Variants in MPP1 observed in about 807,000 individuals in gnomAD.
MPP1 encodes 55 kDa erythrocyte membrane protein.
Under a neutral mutation model 38.2 loss-of-function variants are expected in MPP1, and 6 were observed. The observed-to-expected ratio is 0.16, with a 90% CI of 0.09 to 0.31. The LOEUF (loss-of-function observed/expected upper bound fraction) is 0.31, where lower values mean the gene tolerates loss of function less well. Ranked by LOEUF, MPP1 falls within the 10% of genes least tolerant of loss-of-function variation. The pLI is 1.00. For synonymous variants in MPP1, 153 were observed against 146.3 expected, an observed-to-expected ratio of 1.05 and a Z score of -0.33; for missense variants, 293 against 368.9, an observed-to-expected ratio of 0.79 and a Z score of 1.69.
intron 4 of MPP1, among the ~76,000 whole-genome samples, chrX:154,790,611 G>A (rs2072131587): frequency 1.8e-5 from 2 of 110,384 alleles, no homozygotes; most frequent in African/African-American, 3.3e-5. Context: ...GAACTATGGC[G>A]CATATATATC....
In MPP1 at chrX:154,779,320, C is replaced by T. The variant is rs2071960698; in HGVS notation, c.1258G>A (p.Glu420Lys). ...EALQQLQKDSEAIRSQYAHYF... is the reference protein window; with the variant it reads ...EALQQLQKDSKAIRSQYAHYF... The stretch of plus-strand genomic sequence containing the variant: ...TGAGCGTACTGGCTGCGGATGGCCT[C>T]AGAGTCCTTCTGCAGCTGCTGCAGG... Residue 420 changes from glutamate (E) to lysine (K), a missense_variant, in exon 12 of 12, where the codon GAG becomes AAG. By Grantham distance (56) the Glu-to-Lys change is moderately conservative. Coordinates refer to ENST00000369534, the MANE Select transcript of MPP1 (RefSeq NM_002436.4). The T allele has an allele frequency of 7.4e-6, 9 of 1,208,875 alleles. No homozygotes were observed. The highest frequency in any genetic ancestry group is 1.0e-5 in the Non-Finnish European group (9 of 894,866).
At chrX:154,805,237 GC>G in intron 1 of MPP1, 34 bp downstream of exon 1, 1 of 1,152,724 alleles carries the variant, frequency 8.7e-7, no homozygotes, top group Non-Finnish European at 1.2e-6. Flanking sequence ...CCGAGCCCCG[GC>G]CCAGCGCCCT....
intron 11 of MPP1, among the ~76,000 whole-genome samples, chrX:154,779,859 CA>C (rs1557266407): frequency 8.8e-6 from 1 of 113,099 alleles, no homozygotes; most frequent in African/African-American, 3.2e-5. Flanking sequence ...GCTGGGATTA[CA>C]GGCATGCGCC....
rs1394696288 is a variant in MPP1, at chrX:154,778,888, T to C, written c.*289A>G. Reference sequence around the variant, plus strand: ...TTTAGAGGGATGGGGTCCATTGCTTTTGCTGTGCATCACCCTTGATTAGCA... The same window carrying C: ...TTTAGAGGGATGGGGTCCATTGCTTCTGCTGTGCATCACCCTTGATTAGCA... On this transcript the variant is annotated 3_prime_UTR_variant, in exon 12 of 12. Transcript: ENST00000369534. 1 of 308,715 alleles carries C rather than the reference T, an allele frequency of 3.2e-6. No homozygotes were observed. Among genetic ancestry groups the C allele is most frequent in the Non-Finnish European group, 5.6e-6 (1 of 178,735 alleles). 25.4% of individuals were successfully genotyped at this position (308,715 alleles called of 1,213,427 possible).
At chrX:154,781,429 T>C (rs781963991) in intron 10 of MPP1, 116 bp from the exon 11 acceptor site, 13 of 789,835 alleles carry the variant, frequency 1.6e-5, no homozygotes, top group Middle Eastern at 3.3e-4. Context: ...GCTTTGAGCT[T>C]TACCCCAATA....
chrX:154,790,460 G>T (rs895452164), intron 4 of MPP1, among the ~76,000 whole-genome samples: 1 of 107,522 alleles, frequency 9.3e-6, no homozygotes, highest in Non-Finnish European at 1.9e-5. Context: ...GAACCCAGGA[G>T]GCGGAGGTTG....
chrX:154,787,786 G>C lies in MPP1; in HGVS notation c.481-1386C>G, dbSNP rs782308972. Among the ~76,000 whole-genome samples the C allele has an allele frequency of 5.3e-5, 6 of 112,246 alleles. No homozygotes were observed. In the East Asian group the frequency reaches 1.7e-3, roughly 31 times the overall value. On this transcript the variant is annotated intron_variant, in intron 5 of 11. Transcript: ENST00000369534. ...CACACCTGGCCAGCTTTCCCTTTAA[G>C]ATGGAAAAATAAACAAAGATGTCTG...
chrX:154,802,764 A>G (rs1482121810), intron 1 of MPP1, among the ~76,000 whole-genome samples: 2 of 112,526 alleles, frequency 1.8e-5, no homozygotes, highest in Non-Finnish European at 3.8e-5. Context: ...TTGCAAAATT[A>G]CCTTTAGACA....
Position 154,792,256 on chromosome X carries a change from G to T in MPP1, c.132C>A (p.Thr44=). 8.3e-7 allele frequency: 1 copy of T among 1,210,836 alleles called. No homozygotes were observed. The highest frequency in any genetic ancestry group is 1.1e-6 in the Non-Finnish European group (1 of 894,800). Residue 44 remains threonine, a synonymous_variant, in exon 2 of 12, where the codon ACC becomes ACA. Transcript: ENST00000369534. Reference sequence around the variant, plus strand: ...GAGACCCGTTGGTGTACATGTCCTCGGTCACAGTATTCAATGGATGCGATA... The same window carrying T: ...GAGACCCGTTGGTGTACATGTCCTCTGTCACAGTATTCAATGGATGCGATA... The part of the protein sequence containing the change: ...EAVSHPLNTV[T]EDMYTNGSPA...
At position 154,781,317 on chromosome X, in the gene MPP1, G is replaced by GAA. The variant is rs781889992; in HGVS notation, c.1150-6_1150-5dup. On this transcript the variant is annotated splice_polypyrimidine_tract_variant and splice_region_variant and intron_variant, in intron 10 of 11. Transcript: ENST00000369534. ...CTGTCCGAACAATTTTCAGGGTCTA[G>GAA]AAAAAAAAAAGAAGGGCGGCGGGGA... is the stretch of plus-strand genomic sequence containing the variant. The GAA allele has an allele frequency of 2.5e-5, 21 of 840,253 alleles. No individual in the cohort carries two copies. Among genetic ancestry groups the GAA allele is most frequent in the Admixed American group, 1.1e-4 (3 of 26,469 alleles). The allele number at this position is 840,253 out of a possible 1,213,427, so 69.2% of individuals were successfully genotyped here.
intron 1 of MPP1, among the ~76,000 whole-genome samples, chrX:154,800,732 T>G (rs1274720400): frequency 1.8e-5 from 2 of 112,391 alleles, no homozygotes; most frequent in Non-Finnish European, 3.8e-5. Flanking sequence ...ACTCCAGAAG[T>G]TAAACTATAA....
Position 154,785,117 on chromosome X carries a change from G to C in MPP1, c.718C>G (p.Pro240Ala), listed in dbSNP as rs1557267075. 5 of 1,210,191 alleles carry C rather than the reference G, an allele frequency of 4.1e-6. No homozygotes were observed. The highest frequency in any genetic ancestry group is 2.2e-6 in the Non-Finnish European group (2 of 894,677). The change falls in exon 7 of 12, where the codon CCG becomes GCG. Residue 240 changes from proline (P) to alanine (A), a missense_variant. By Grantham distance (27) the Pro-to-Ala change is conservative. Transcript: ENST00000369534. ...TTCTTCCCAAAGGGACTGCAGCTCG[G>C]GGCTTCGCTAGGAGCTGACTGAGCC... Reference protein sequence around the residue: ...SMAQSAPSEAPSCSPFGKKKK... With the variant: ...SMAQSAPSEAASCSPFGKKKK...
At chrX:154,792,333 C>T in intron 1 of MPP1, 48 bp from the exon 2 acceptor site, 1 of 1,157,768 alleles carries the variant, frequency 8.6e-7, no homozygotes, top group South Asian at 2.0e-5. Flanking sequence ...GGAGCAAGGC[C>T]CACAGCCAGT....
intron 10 of MPP1, 21 bp downstream of exon 10, chrX:154,781,579 T>C (rs1286988452): frequency 5.8e-6 from 7 of 1,198,868 alleles, no homozygotes; most frequent in Non-Finnish European, 6.8e-6. Context: ...CATCTGTCCC[T>C]GCCCTTCCAT....
chrX:154,801,118 T>C (rs1346941631), intron 1 of MPP1, among the ~76,000 whole-genome samples: 2 of 112,326 alleles, frequency 1.8e-5, no homozygotes, highest in East Asian at 5.6e-4. Flanking sequence ...GACAACTCAC[T>C]GCTTAGGAGA....
chrX:154,802,781 T>G (rs1557268836), intron 1 of MPP1, among the ~76,000 whole-genome samples: 1 of 112,726 alleles, frequency 8.9e-6, no homozygotes, highest in Non-Finnish European at 1.9e-5. Flanking sequence ...GACAATATTC[T>G]TTCAGTATTA....
intron 8 of MPP1, 102 bp from the exon 9 acceptor site, chrX:154,783,609 A>C: frequency 1.4e-6 from 1 of 689,870 alleles, no homozygotes; most frequent in Non-Finnish European, 2.2e-6. Flanking sequence ...ACAGGTGAAC[A>C]TGAGTTGGGG....
Position 154,778,895 on chromosome X carries a change from G to A in MPP1, c.*282C>T, listed in dbSNP as rs1419462791. The A allele has an allele frequency of 1.5e-5, 5 of 322,592 alleles. No individual in the cohort carries two copies. Among genetic ancestry groups the A allele is most frequent in the Middle Eastern group, 1.7e-3 (2 of 1,172 alleles). The allele number at this position is 322,592 out of a possible 1,213,427, so 26.6% of individuals were successfully genotyped here. A position where few individuals can be genotyped will look rare whatever the true frequency, so the allele number is the denominator to read the frequency against. On this transcript the variant is annotated 3_prime_UTR_variant, in exon 12 of 12. Coordinates refer to ENST00000369534, the MANE Select transcript of MPP1 (RefSeq NM_002436.4). Reference sequence around the variant, plus strand: ...GGATGGGGTCCATTGCTTTTGCTGTGCATCACCCTTGATTAGCAGTTACAT... The same window carrying A: ...GGATGGGGTCCATTGCTTTTGCTGTACATCACCCTTGATTAGCAGTTACAT...
intron 1 of MPP1, among the ~76,000 whole-genome samples, chrX:154,800,279 C>A (rs1413574668): frequency 8.9e-6 from 1 of 112,560 alleles, no homozygotes; most frequent in Non-Finnish European, 1.9e-5. Context: ...CCACAAATGA[C>A]AGGAACTAGG....
Sources: gnomAD v4.1 joint callset for allele counts (sites outside exome capture counted in the v4.1 genomes callset) on GRCh38, gnomAD v4.1.1 for gene constraint, MANE v1.5 for transcripts, NCBI Gene and HGNC (gene_info 2026-07-23, HGNC 2026-07-21) for gene names.